Variants in MYO16 observed in about 807,000 individuals in gnomAD.
MYO16 encodes unconventional myosin-XVI.
MYO16 carries 94 observed loss-of-function variants against 205.3 expected under a neutral mutation model. That is an observed-to-expected ratio of 0.46 (90% CI 0.39 to 0.54). MYO16 has a LOEUF of 0.54. MYO16 is among the 20% of genes least tolerant of loss of function. The probability of loss-of-function intolerance (pLI) is 0.00; values close to 1 mark genes in which losing one functional copy is unlikely to be tolerated. For missense variants in MYO16, 2,315 were observed against 2,387.5 expected, an observed-to-expected ratio of 0.97 and a Z score of 0.63; for synonymous variants, 988 against 954.0, an observed-to-expected ratio of 1.04 and a Z score of -0.66.
chr13:108,615,506 T>C (rs1879318637), intron 1 of MYO16, among the ~76,000 whole-genome samples: 1 of 152,038 alleles, frequency 6.6e-6, no homozygotes, highest in Admixed American at 6.6e-5. Flanking sequence ...CATGAATGAA[T>C]ATTCATAGCA....
intron 27 of MYO16, among the ~76,000 whole-genome samples, chr13:109,091,622 A>C (rs1888627010): frequency 6.6e-6 from 1 of 152,052 alleles, no homozygotes; most frequent in South Asian, 2.1e-4. Context: ...CGCATTTCCA[A>C]CTTTGCCTTC....
the MYO16 span, among the ~76,000 whole-genome samples, chr13:108,544,153 G>A: frequency 6.8e-6 from 1 of 147,846 alleles, no homozygotes; most frequent in Non-Finnish European, 1.5e-5. Flanking sequence ...GATATTTACT[G>A]TTTTTAAGCT....
Position 109,192,318 on chromosome 13 carries a change from G to C in MYO16, c.5415+12685G>C, listed in dbSNP as rs117606767. Among the ~76,000 whole-genome samples, 435 of 152,234 alleles carry C rather than the reference G, an allele frequency of 2.9e-3. 2 individuals are homozygous for C. The highest frequency in any genetic ancestry group is 3.3e-3 in the Non-Finnish European group (223 of 67,998). Reference sequence around the variant, plus strand: ...ATTTTTACTATCTGTTTCTGGAAAGGACTATTAATTTAAAATATTTGCTTT... The same window carrying C: ...ATTTTTACTATCTGTTTCTGGAAAGCACTATTAATTTAAAATATTTGCTTT... On this transcript the variant is annotated intron_variant, in intron 34 of 34. Transcript: ENST00000457511.
At chr13:108,869,424 GT>G (rs1421759900) in intron 12 of MYO16, among the ~76,000 whole-genome samples, 1 of 151,846 alleles carries the variant, frequency 6.6e-6, no homozygotes, top group African/African-American at 2.4e-5. Context: ...TATAAAAACA[GT>G]TTAAAAAATC....
chr13:108,663,071 C>T (rs1048007314), intron 1 of MYO16, among the ~76,000 whole-genome samples: 3 of 152,196 alleles, frequency 2.0e-5, no homozygotes, highest in African/African-American at 7.2e-5. Context: ...CTCTTTCCCT[C>T]TTCTGCAGTT....
chr13:108,899,677 C>A (rs1880612746), intron 15 of MYO16, among the ~76,000 whole-genome samples: 1 of 152,124 alleles, frequency 6.6e-6, no homozygotes, highest in Admixed American at 6.6e-5. Context: ...GCCGGATTTA[C>A]TTCTGTAATA....
At chr13:109,026,358 G>A (rs1291713598) in intron 23 of MYO16, among the ~76,000 whole-genome samples, 2 of 152,032 alleles carry the variant, frequency 1.3e-5, no homozygotes, top group Non-Finnish European at 2.9e-5. Context: ...AAAGAAGGAG[G>A]CCATGTGACC....
At chr13:109,106,682 A>G (rs1460114538) in intron 28 of MYO16, among the ~76,000 whole-genome samples, 1 of 152,224 alleles carries the variant, frequency 6.6e-6, no homozygotes, top group African/African-American at 2.4e-5. Context: ...GAGTCGGTCC[A>G]TGTGATACCA....
chr13:108,825,703 A>G lies in MYO16; in HGVS notation c.1097+2425A>G, dbSNP rs558421825. On this transcript the variant is annotated intron_variant, in intron 9 of 34. Coordinates refer to ENST00000457511, the MANE Select transcript of MYO16 (RefSeq NM_001198950.3). The stretch of plus-strand genomic sequence containing the variant: ...AAAATTCTAAGGAATTTACAAAAAT[A>G]TCTTATTTGAACTAAGAATATAGTT... 4.6e-5 allele frequency among the ~76,000 whole-genome samples: 7 copies of G among 152,138 alleles called. No homozygotes were observed. The South Asian group carries it at 1.5e-3, about 32-fold the overall frequency.
At chr13:108,496,670 C>G in the MYO16 span, among the ~76,000 whole-genome samples, 1 of 152,202 alleles carries the variant, frequency 6.6e-6, no homozygotes, top group African/African-American at 2.4e-5. Context: ...AGACGATTTC[C>G]GTCAAGTTCT....
At chr13:108,685,331 A>G (rs1882634863) in intron 2 of MYO16, among the ~76,000 whole-genome samples, 2 of 152,114 alleles carry the variant, frequency 1.3e-5, no homozygotes, top group Non-Finnish European at 2.9e-5. Flanking sequence ...GAGAACCCCA[A>G]TTTGTAGCTG....
chr13:109,022,768 TTA>T (rs1886124656), intron 23 of MYO16, among the ~76,000 whole-genome samples: 1 of 136,576 alleles, frequency 7.3e-6, no homozygotes, highest in African/African-American at 2.6e-5. Context: ...ATGTATATAT[TTA>T]TATATTATAT....
rs567590835 is a variant in MYO16 at position 109,030,237 on chromosome 13, A to G, written c.2796+10326A>G. Among the ~76,000 whole-genome samples the G allele has an allele frequency of 2.6e-5, 4 of 152,280 alleles. No homozygotes were observed. The South Asian group carries it at 6.2e-4, about 24-fold the overall frequency. On this transcript the variant is annotated intron_variant, in intron 23 of 34. Transcript: ENST00000457511. ...AAAGAATAGAAGCTCTTGCTTATAA[A>G]TATTGATGATATACAGACATCAGTT...
upstream of MYO16, among the ~76,000 whole-genome samples, chr13:108,595,363 A>C (rs1208564101): frequency 6.6e-6 from 1 of 152,090 alleles, no homozygotes; most frequent in African/African-American, 2.4e-5. Context: ...TCCCCACCCC[A>C]CATGGCTGGA....
intron 9 of MYO16, among the ~76,000 whole-genome samples, chr13:108,828,412 C>T (rs923524666): frequency 3.3e-5 from 5 of 152,080 alleles, no homozygotes; most frequent in Non-Finnish European, 4.4e-5. Context: ...GCTCTATGAC[C>T]TTGAGCAATT....
At chr13:108,867,217 T>C (rs577997328) in intron 12 of MYO16, among the ~76,000 whole-genome samples, 1 of 150,526 alleles carries the variant, frequency 6.6e-6, no homozygotes, top group African/African-American at 2.5e-5. Flanking sequence ...ACAAAAACAA[T>C]TAGCCAGCTG....
chr13:108,990,956 G>A (rs1884808256), intron 20 of MYO16, among the ~76,000 whole-genome samples: 2 of 152,116 alleles, frequency 1.3e-5, no homozygotes, highest in Non-Finnish European at 2.9e-5. Flanking sequence ...TTTGGAAAAA[G>A]CAAGGAAATA....
chr13:108,495,738 G>T, the MYO16 span, among the ~76,000 whole-genome samples: 27 of 150,804 alleles, frequency 1.8e-4, no homozygotes, highest in African/African-American at 6.1e-4. Flanking sequence ...AGAGAGAGCC[G>T]CCGCCGAGCG....
At chr13:108,838,770 G>GCGCA (rs1555304235) in intron 9 of MYO16, among the ~76,000 whole-genome samples, 8 of 145,514 alleles carry the variant, frequency 5.5e-5, no homozygotes, top group East Asian at 4.1e-4. Flanking sequence ...ACACACAAAT[G>GCGCA]CACACACACA....
Sources: gnomAD v4.1 joint callset for allele counts (sites outside exome capture counted in the v4.1 genomes callset) on GRCh38, gnomAD v4.1.1 for gene constraint, MANE v1.5 for transcripts, NCBI Gene and HGNC (gene_info 2026-07-23, HGNC 2026-07-21) for gene names.